Variants in MYCBP2 observed in about 807,000 individuals in gnomAD.
MYCBP2 encodes the protein MYC binding protein 2.
Under a neutral mutation model 525.3 loss-of-function variants are expected in MYCBP2, and 120 were observed. The observed-to-expected ratio is 0.23, with a 90% CI of 0.20 to 0.27. The LOEUF (loss-of-function observed/expected upper bound fraction) is 0.27. Ranked by LOEUF, MYCBP2 falls within the 10% of genes least tolerant of loss-of-function variation. The pLI, the probability that MYCBP2 is intolerant of heterozygous loss-of-function variation, is 1.00. For missense variants in MYCBP2, 4,149 were observed against 5,657.1 expected (o/e 0.73, Z 8.55); for synonymous variants, 1,894 against 1,955.8 (o/e 0.97, Z 0.83).
intron 38 of MYCBP2, among the ~76,000 whole-genome samples, chr13:77,170,783 C>T (rs1004445934): frequency 1.3e-5 from 2 of 151,864 alleles, no homozygotes; most frequent in East Asian, 1.9e-4. Flanking sequence ...CACCATGTTG[C>T]TCAGGCTCGT....
chr13:77,116,985 A>G (rs2049887189), intron 55 of MYCBP2, among the ~76,000 whole-genome samples: 1 of 152,062 alleles, frequency 6.6e-6, no homozygotes, highest in African/African-American at 2.4e-5. Flanking sequence ...GAATTTGAAT[A>G]TGAATGAATT....
chr13:77,083,340 T>A, intron 62 of MYCBP2, 148 bp from the exon 63 acceptor site: 1 of 696,102 alleles, frequency 1.4e-6, no homozygotes, highest in Non-Finnish European at 2.3e-6. Context: ...ACAGTAATTT[T>A]AACTAATTAT....
intron 68 of MYCBP2, among the ~76,000 whole-genome samples, chr13:77,073,685 G>C (rs2041780099): frequency 6.6e-6 from 1 of 152,096 alleles, no homozygotes; most frequent in Non-Finnish European, 1.5e-5. Flanking sequence ...GTGAATTTAA[G>C]ATCACAGGGT....
Position 77,081,372 on chromosome 13 carries a change from G to T in MYCBP2, c.11418+55C>A. On this transcript the variant is annotated intron_variant, in intron 65 of 82. Coordinates refer to ENST00000544440, the MANE Select transcript of MYCBP2 (RefSeq NM_015057.5). The surrounding 1 kb of genome is among the most constrained non-coding windows in gnomAD (Gnocchi z 4.6). Reference sequence around the variant, plus strand: ...GCTAAATTCAGAAATGAAAGTGCATGAATACTAAGATCTGAAAAGAGCTAA... The same window carrying T: ...GCTAAATTCAGAAATGAAAGTGCATTAATACTAAGATCTGAAAAGAGCTAA... 2 of 1,444,308 alleles carry T rather than the reference G, an allele frequency of 1.4e-6. No individual in the cohort carries two copies. The highest frequency in any genetic ancestry group is 1.4e-5 in the African/African-American group (1 of 70,750). The allele number at this position is 1,444,308 out of a possible 1,614,324, so 89.5% of individuals were successfully genotyped here.
At chr13:77,089,101 T>A in intron 60 of MYCBP2, 70 bp from the exon 61 acceptor site, 1 of 1,108,564 alleles carries the variant, frequency 9.0e-7, no homozygotes, top group Non-Finnish European at 1.3e-6. Flanking sequence ...TAATATCTAA[T>A]ATATTCACTT....
chr13:77,084,211 A>C (rs911003804), intron 62 of MYCBP2, among the ~76,000 whole-genome samples: 3 of 152,172 alleles, frequency 2.0e-5, no homozygotes, highest in Non-Finnish European at 4.4e-5. Flanking sequence ...GAATTACTGA[A>C]TGATTTTTAA....
At chr13:77,289,677 T>C (rs1026129913) in intron 2 of MYCBP2, among the ~76,000 whole-genome samples, 2 of 152,102 alleles carry the variant, frequency 1.3e-5, no homozygotes, top group African/African-American at 2.4e-5. Context: ...AACATTGTAC[T>C]GGATATCCTA....
In MYCBP2 at chr13:77,061,758, A is replaced by C; in HGVS notation, c.12807T>G (p.Thr4269=). 6.2e-7 allele frequency: 1 copy of C among 1,609,342 alleles called. No individual in the cohort carries two copies. Among genetic ancestry groups the C allele is most frequent in the Non-Finnish European group, 8.5e-7 (1 of 1,177,096 alleles). ...PMCDNHDDGE[T]AAIILCNVCG... ...AGACATTGCATAAAATGATTGCTGC[A>C]GTTTCACCATCATCATGGTTATCAC... is the stretch of plus-strand genomic sequence containing the variant. Residue 4269 remains threonine (T), a synonymous_variant, in exon 75 of 83, where the codon ACT becomes ACG. Transcript: ENST00000544440.
chr13:77,260,252 T>C (rs1643374382), intron 13 of MYCBP2, among the ~76,000 whole-genome samples, 176 bp downstream of exon 13: 1 of 152,172 alleles, frequency 6.6e-6, no homozygotes, highest in Admixed American at 6.5e-5. Flanking sequence ...GGGACAGTGC[T>C]CCTAGTGACA....
chr13:77,135,396 G>C (rs1381696488), intron 52 of MYCBP2, among the ~76,000 whole-genome samples: 1 of 152,120 alleles, frequency 6.6e-6, no homozygotes, highest in African/African-American at 2.4e-5. Flanking sequence ...CAACTATTTA[G>C]GTGTGTTATT....
intron 55 of MYCBP2, among the ~76,000 whole-genome samples, chr13:77,119,855 G>A (rs2050386709): frequency 6.6e-6 from 1 of 152,164 alleles, no homozygotes; most frequent in Non-Finnish European, 1.5e-5. Flanking sequence ...TTCCCAGGTA[G>A]CTGGGACTAT....
chr13:77,229,016 T>G (rs1566983670), intron 18 of MYCBP2, among the ~76,000 whole-genome samples: 1 of 152,128 alleles, frequency 6.6e-6, no homozygotes. Context: ...CAAAAGTAGT[T>G]GCAATTTACT....
chr13:77,190,340 G>A lies in MYCBP2; in HGVS notation c.4071-5C>T, dbSNP rs2061176756. 6.3e-7 allele frequency: 1 copy of A among 1,577,318 alleles called. No homozygotes were observed. Among genetic ancestry groups the A allele is most frequent in the African/African-American group, 1.4e-5 (1 of 74,066 alleles). On this transcript the variant is annotated splice_region_variant and splice_polypyrimidine_tract_variant and intron_variant, in intron 28 of 82. Transcript: ENST00000544440. Reference sequence around the variant, plus strand: ...CTCTTGAACTGGAAAACAACCCTAAGAAGAGAAAACAATGATACCAAAAAC... The same window carrying A: ...CTCTTGAACTGGAAAACAACCCTAAAAAGAGAAAACAATGATACCAAAAAC...
chr13:77,142,412 T>C (rs1189322637), intron 49 of MYCBP2, among the ~76,000 whole-genome samples: 4 of 152,228 alleles, frequency 2.6e-5, no homozygotes, highest in African/African-American at 4.8e-5. Flanking sequence ...GTCTCTAGAA[T>C]GGTACAGATG....
chr13:77,158,150 A>G, intron 44 of MYCBP2, 41 bp from the exon 45 acceptor site: 1 of 1,339,456 alleles, frequency 7.5e-7, no homozygotes, highest in African/African-American at 1.5e-5. Flanking sequence ...CTTAAAAATA[A>G]AACTTTAATT....
chr13:77,295,591 A>G (rs2078097849), intron 2 of MYCBP2, among the ~76,000 whole-genome samples: 1 of 152,226 alleles, frequency 6.6e-6, no homozygotes, highest in Non-Finnish European at 1.5e-5. Flanking sequence ...GTAGGAAACA[A>G]TTGCCTCTAT....
At chr13:77,103,218 T>C (rs1383442780) in intron 55 of MYCBP2, 1 of 397,796 alleles carries the variant, frequency 2.5e-6, no homozygotes, top group Non-Finnish European at 4.4e-6. Flanking sequence ...CCCTTCAGTT[T>C]GTGAGACAGA....
chr13:77,084,517 T>A (rs2043879280), intron 62 of MYCBP2, among the ~76,000 whole-genome samples: 1 of 152,180 alleles, frequency 6.6e-6, no homozygotes, highest in South Asian at 2.1e-4. Context: ...CTAGATTCCA[T>A]CAAGGCTTGG....
At chr13:77,103,737 TG>T (rs2047429931) in intron 55 of MYCBP2, among the ~76,000 whole-genome samples, 1 of 152,050 alleles carries the variant, frequency 6.6e-6, no homozygotes, top group Non-Finnish European at 1.5e-5. Context: ...TATTGTCACT[TG>T]GTTTCCTGAA....
Sources: allele counts gnomAD v4.1 joint callset (sites outside exome capture counted in the v4.1 genomes callset), GRCh38; gene constraint gnomAD v4.1.1; non-coding constraint Gnocchi (gnomAD v3.1); transcripts MANE v1.5; gene names NCBI Gene and HGNC (gene_info 2026-07-23, HGNC 2026-07-21).